Variants in ABCE1 observed in about 807,000 individuals in gnomAD.
ABCE1 encodes ATP binding cassette subfamily E member 1, also known as ATP-binding cassette sub-family E member 1.
In ABCE1, 22 loss-of-function variants were observed where a neutral mutation model predicts 83.4. The ratio of observed to expected loss-of-function variants is 0.26; its 90% CI spans 0.19 to 0.38. The LOEUF (loss-of-function observed/expected upper bound fraction) is 0.38, where lower values mean the gene tolerates loss of function less well. Ranked by LOEUF, ABCE1 falls within the 10% of genes least tolerant of loss-of-function variation. The pLI is 1.00. For synonymous variants in ABCE1, 204 were observed against 233.7 expected, an observed-to-expected ratio of 0.87 and a Z score of 1.16; for missense variants, 330 against 721.9, an observed-to-expected ratio of 0.46 and a Z score of 6.22.
In ABCE1 at chr4:145,120,173, A is replaced by G. The variant is rs1163758677; in HGVS notation, c.1144+20A>G. 25 of 1,576,800 alleles carry G rather than the reference A, an allele frequency of 1.6e-5. No homozygotes were observed. The highest frequency in any genetic ancestry group is 1.9e-5 in the Admixed American group (1 of 51,516). ...AAAATGGTAAGTTTTCTGTTTTGTG[A>G]TAAGTAAAAATCTTCCTGTTTATCT... On this transcript the variant is annotated intron_variant, in intron 11 of 17. Transcript: ENST00000296577.
In ABCE1 at chr4:145,121,367, A is replaced by G; in HGVS notation, c.1239A>G (p.Pro413=). ...EVPVLNVSYK[P]QKISPKSTGS... Reference sequence around the variant, plus strand: ...CAGTTCTAAATGTCAGTTATAAGCCACAGAAAATTAGTCCCAAATCAACTG... The same window carrying G: ...CAGTTCTAAATGTCAGTTATAAGCCGCAGAAAATTAGTCCCAAATCAACTG... Residue 413 remains proline, a synonymous_variant, in exon 13 of 18, where the codon CCA becomes CCG. Transcript: ENST00000296577. The G allele has an allele frequency of 1.2e-6, 2 of 1,613,036 alleles. No individual in the cohort carries two copies. Among genetic ancestry groups the G allele is most frequent in the Non-Finnish European group, 1.7e-6 (2 of 1,179,540 alleles).
At chr4:145,126,427 G>T (rs1240281600) in intron 17 of ABCE1, among the ~76,000 whole-genome samples, 1 of 151,994 alleles carries the variant, frequency 6.6e-6, no homozygotes, top group Non-Finnish European at 1.5e-5. Context: ...CCGAGTAGCT[G>T]GGATTACAGG....
intron 1 of ABCE1, among the ~76,000 whole-genome samples, chr4:145,100,316 T>G (rs1749108347): frequency 6.6e-6 from 1 of 152,216 alleles, no homozygotes; most frequent in Admixed American, 6.5e-5. Context: ...ATCACTGCCC[T>G]CAGCCAGGAC....
At chr4:145,106,941 G>T (rs1423467057) in intron 3 of ABCE1, among the ~76,000 whole-genome samples, 2 of 152,050 alleles carry the variant, frequency 1.3e-5, no homozygotes, top group African/African-American at 4.8e-5. Context: ...TCTAAACACG[G>T]AAACTTAGAA....
At chr4:145,123,642 A>G (rs1335109982) in intron 16 of ABCE1, 42 bp downstream of exon 16, 2 of 1,522,430 alleles carry the variant, frequency 1.3e-6, no homozygotes, top group South Asian at 1.2e-5. Flanking sequence ...TTCATTTTAA[A>G]TTTTCCAGTA....
intron 9 of ABCE1, among the ~76,000 whole-genome samples, chr4:145,114,427 G>A (rs574159644): frequency 8.6e-5 from 13 of 151,860 alleles, no homozygotes; most frequent in African/African-American, 1.5e-4. Context: ...TAATATCTAC[G>A]TTCATATAAA....
intron 13 of ABCE1, chr4:145,122,530 G>A (rs1579222632): frequency 6.6e-6 from 1 of 151,872 alleles, no homozygotes; most frequent in Middle Eastern, 3.4e-3. Context: ...AAAAAAGATT[G>A]TTGCAGGCTG....
intron 7 of ABCE1, chr4:145,110,755 C>A (rs1579213830): frequency 1.8e-6 from 1 of 544,222 alleles, no homozygotes; most frequent in Non-Finnish European, 3.2e-6. Context: ...AGCCACTGCG[C>A]CCGGCCATTT....
Position 145,123,601 on chromosome 4 carries a change from G to C in ABCE1, c.1640+1G>C. The stretch of plus-strand genomic sequence containing the variant: ...CATCTAAGAACACAGTTGCAAACAG[G>C]TAAAATTACTTTTTAATATGTTCAA... On this transcript the variant is annotated splice_donor_variant, in intron 16 of 17. Coordinates refer to ENST00000296577, the MANE Select transcript of ABCE1 (RefSeq NM_002940.3). LOFTEE classifies it high-confidence loss of function. 2 of 1,591,102 alleles carry C rather than the reference G, an allele frequency of 1.3e-6. No homozygotes were observed. The highest frequency in any genetic ancestry group is 1.7e-6 in the Non-Finnish European group (2 of 1,161,522).
In ABCE1 at chr4:145,106,409, G is replaced by A. The variant is rs528541740; in HGVS notation, c.189+719G>A. ...ATGGATACCTGAAACATTTTCACTT[G>A]CTTTGAAAATATAAACAGGAAGCAT... On this transcript the variant is annotated intron_variant, in intron 3 of 17. Transcript: ENST00000296577. Among the ~76,000 whole-genome samples the A allele has an allele frequency of 1.1e-4, 16 of 151,938 alleles. No individual in the cohort carries two copies. In the East Asian group the frequency reaches 3.1e-3, roughly 29 times the overall value.
At chr4:145,115,528 T>C (rs1362098537) in intron 9 of ABCE1, among the ~76,000 whole-genome samples, 1 of 151,960 alleles carries the variant, frequency 6.6e-6, no homozygotes, top group African/African-American at 2.4e-5. Flanking sequence ...ATTTTCCAAT[T>C]TTCCATTGTT....
chr4:145,114,507 G>A (rs1015976279), intron 9 of ABCE1, among the ~76,000 whole-genome samples: 1 of 152,078 alleles, frequency 6.6e-6, no homozygotes, highest in African/African-American at 2.4e-5. Flanking sequence ...TTTACAGCCA[G>A]TATTTCAATG....
At chr4:145,110,030 T>A in intron 5 of ABCE1, 73 bp from the exon 6 acceptor site, 4 of 1,316,014 alleles carry the variant, frequency 3.0e-6, no homozygotes, top group Non-Finnish European at 4.1e-6. Context: ...ATAATCTATT[T>A]CCTGTAGCAT....
At chr4:145,110,763 T>C in intron 7 of ABCE1, 1 of 544,474 alleles carries the variant, frequency 1.8e-6, no homozygotes, top group South Asian at 2.6e-5. Flanking sequence ...CGCCCGGCCA[T>C]TTTGTGTATA....
chr4:145,120,252 C>T (rs1255224945), intron 11 of ABCE1, 99 bp downstream of exon 11: 3 of 1,018,458 alleles, frequency 2.9e-6, no homozygotes, highest in African/African-American at 3.3e-5. Flanking sequence ...TGTTATAGGG[C>T]TAGAAGCAGA....
chr4:145,104,326 A>G (rs772156287), intron 1 of ABCE1, 60 bp from the exon 2 acceptor site: 21 of 618,234 alleles, frequency 3.4e-5, no homozygotes, highest in African/African-American at 7.6e-5. Context: ...CCTGTCTTTC[A>G]TGTATGCAAA....
At position 145,128,825 on chromosome 4, in the gene ABCE1, A is replaced by C. The variant is rs141799883; in HGVS notation, c.*1252A>C. ...AACAGAAGTCTTGATTAATATGCAAATAATGGCTAGAAAGTATGGTTTAAC... is the reference window on the plus strand; with the variant it reads ...AACAGAAGTCTTGATTAATATGCAACTAATGGCTAGAAAGTATGGTTTAAC... On this transcript the variant is annotated 3_prime_UTR_variant, in exon 18 of 18. Transcript: ENST00000296577. 7.7e-4 allele frequency: 118 copies of C among 152,344 alleles called. No individual in the cohort carries two copies. Among genetic ancestry groups the C allele is most frequent in the African/African-American group, 2.7e-3 (111 of 41,586 alleles). 9.4% of individuals were successfully genotyped at this position (152,344 alleles called of 1,614,324 possible). A position where few individuals can be genotyped will look rare whatever the true frequency, so the allele number is the denominator to read the frequency against.
At chr4:145,124,761 A>C (rs980724785) in intron 16 of ABCE1, among the ~76,000 whole-genome samples, 1 of 152,164 alleles carries the variant, frequency 6.6e-6, no homozygotes, top group Non-Finnish European at 1.5e-5. Flanking sequence ...ATCCAGGTTA[A>C]ATTTTTTTTT....
At chr4:145,108,338 A>G (rs751022412) in intron 4 of ABCE1, among the ~76,000 whole-genome samples, 4 of 152,196 alleles carry the variant, frequency 2.6e-5, no homozygotes, top group Non-Finnish European at 5.9e-5. Flanking sequence ...CCCAGGTTTC[A>G]GCCCAGTTTA....
Sources: gnomAD v4.1 joint callset for allele counts (sites outside exome capture counted in the v4.1 genomes callset) on GRCh38, gnomAD v4.1.1 for gene constraint, MANE v1.5 for transcripts, NCBI Gene and HGNC (gene_info 2026-07-23, HGNC 2026-07-21) for gene names.